The following GLIS3 variants were observed in gnomAD, a reference collection of about 807,000 sequenced individuals.
GLIS3 encodes the protein zinc finger protein GLIS3.
GLIS3 carries 53 observed loss-of-function variants against 78.6 expected under a neutral mutation model. That is an observed-to-expected ratio of 0.67 (90% confidence interval 0.54 to 0.85). The LOEUF is 0.85. Ranked by LOEUF, GLIS3 falls within the 40% of genes least tolerant of loss-of-function variation. The pLI, the probability that GLIS3 is intolerant of heterozygous loss-of-function variation, is 0.00. For synonymous variants in GLIS3, 684 were observed against 509.9 expected (o/e 1.34, Z -4.60); for missense variants, 1,703 against 1,231.1 (o/e 1.38, Z -5.74).
chr9:4,180,842 T>G (rs757464552), intron 2 of GLIS3, among the ~76,000 whole-genome samples: 1 of 152,118 alleles, frequency 6.6e-6, no homozygotes, highest in Non-Finnish European at 1.5e-5. Flanking sequence ...AATCTCAAAC[T>G]GGTTTTGCTC....
chr9:3,955,121 C>T (rs1011993249), intron 4 of GLIS3, among the ~76,000 whole-genome samples: 4 of 152,146 alleles, frequency 2.6e-5, no homozygotes, highest in Non-Finnish European at 2.9e-5. Flanking sequence ...CAAATGAAGA[C>T]GACCTGGGGA....
the GLIS3 span, among the ~76,000 whole-genome samples, chr9:4,370,730 A>G: frequency 6.6e-6 from 1 of 151,524 alleles, no homozygotes; most frequent in African/African-American, 2.4e-5. Flanking sequence ...TAATTAATTA[A>G]ATTTAGCATA....
At chr9:3,871,945 C>G (rs1820996887) in intron 8 of GLIS3, among the ~76,000 whole-genome samples, 1 of 152,216 alleles carries the variant, frequency 6.6e-6, no homozygotes, top group Non-Finnish European at 1.5e-5. Context: ...TGCTCTGTTT[C>G]CTTTTTAAAA....
chr9:4,072,916 A>C (rs12335836), intron 4 of GLIS3, among the ~76,000 whole-genome samples: 3,003 of 152,282 alleles, frequency 0.02, 97 homozygotes, highest in African/African-American at 0.068. Flanking sequence ...CTGAAAGCCC[A>C]AATTAACAGT....
chr9:4,390,194 AG>A, the GLIS3 span, among the ~76,000 whole-genome samples: 1 of 152,194 alleles, frequency 6.6e-6, no homozygotes, highest in East Asian at 1.9e-4. Flanking sequence ...ATAAAGTTGG[AG>A]GGGGAAAGCA....
intron 2 of GLIS3, among the ~76,000 whole-genome samples, chr9:4,181,662 T>G (rs557025081): frequency 1.3e-5 from 2 of 152,366 alleles, no homozygotes; most frequent in Admixed American, 6.5e-5. Context: ...GGAATCTATC[T>G]ATATATTCTT....
At chr9:4,137,948 G>A (rs1296934659) in intron 2 of GLIS3, among the ~76,000 whole-genome samples, 4 of 152,172 alleles carry the variant, frequency 2.6e-5, no homozygotes, top group South Asian at 2.1e-4. Flanking sequence ...TGTTAACTAA[G>A]CAAACAAGTA....
chr9:3,923,382 T>C (rs1825018677), intron 6 of GLIS3, among the ~76,000 whole-genome samples: 1 of 152,154 alleles, frequency 6.6e-6, no homozygotes, highest in Admixed American at 6.5e-5. Flanking sequence ...GACACTGTAC[T>C]CTACACCATG....
intron 2 of GLIS3, among the ~76,000 whole-genome samples, chr9:4,258,443 G>C (rs1440831800): frequency 6.6e-6 from 1 of 152,210 alleles, no homozygotes; most frequent in Non-Finnish European, 1.5e-5. Context: ...CTTAGTCAGA[G>C]AACTGGCCTG....
At chr9:4,087,071 C>T (rs1177536605) in intron 4 of GLIS3, among the ~76,000 whole-genome samples, 2 of 152,052 alleles carry the variant, frequency 1.3e-5, no homozygotes. Context: ...GAAAACATGG[C>T]AAAGTCTGAA....
chr9:3,886,666 A>G (rs1326523314), intron 7 of GLIS3, among the ~76,000 whole-genome samples: 1 of 152,224 alleles, frequency 6.6e-6, no homozygotes, highest in African/African-American at 2.4e-5. Context: ...GGCCCCCAAT[A>G]GTGAAAATAC....
At chr9:3,859,411 A>G (rs980077808) in intron 8 of GLIS3, among the ~76,000 whole-genome samples, 6 of 150,928 alleles carry the variant, frequency 4.0e-5, no homozygotes, top group Non-Finnish European at 5.9e-5. Context: ...ATCAAAATGA[A>G]TATGTTCTGA....
upstream of GLIS3, among the ~76,000 whole-genome samples, chr9:4,303,221 G>C (rs976443573): frequency 1.3e-5 from 2 of 151,750 alleles, no homozygotes; most frequent in South Asian, 2.1e-4. Context: ...ATACAGATAA[G>C]TTGAGCTAAT....
intron 6 of GLIS3, among the ~76,000 whole-genome samples, chr9:3,926,207 G>T (rs1364116990): frequency 6.6e-6 from 1 of 151,502 alleles, no homozygotes; most frequent in African/African-American, 2.4e-5. Flanking sequence ...GTACAGTATT[G>T]CGACTAAAGC....
intron 6 of GLIS3, among the ~76,000 whole-genome samples, chr9:3,910,543 G>A (rs927206778): frequency 1.3e-5 from 2 of 152,252 alleles, no homozygotes; most frequent in East Asian, 1.9e-4. Flanking sequence ...CAGAGACAGG[G>A]TCTCACCATG....
intron 2 of GLIS3, among the ~76,000 whole-genome samples, chr9:4,224,002 GA>G (rs990312227): frequency 2.0e-4 from 29 of 142,062 alleles, no homozygotes; most frequent in Middle Eastern, 3.5e-3. Context: ...AAAAGATCCA[GA>G]AAAAAAAAAA....
Position 4,188,459 on chromosome 9 carries a change from T to G in GLIS3, c.389-62518A>C, listed in dbSNP as rs1401936924. Among the ~76,000 whole-genome samples the G allele has an allele frequency of 2.7e-5, 4 of 150,076 alleles. No individual in the cohort carries two copies. In the East Asian group the frequency reaches 7.8e-4, roughly 29 times the overall value. On this transcript the variant is annotated intron_variant, in intron 2 of 10. Transcript: ENST00000381971. The stretch of plus-strand genomic sequence containing the variant: ...CAAGGATATTGGTCTAAAATTCTCT[T>G]TTTTGGTTGTGTCTCTGCCCGGCTT...
the GLIS3 span, among the ~76,000 whole-genome samples, chr9:4,370,609 A>G: frequency 6.6e-6 from 1 of 152,204 alleles, no homozygotes; most frequent in Non-Finnish European, 1.5e-5. Context: ...GAAGAACGGA[A>G]GCTGCATAAT....
rs145074476 is a variant in GLIS3 at position 4,249,047 on chromosome 9, T to G, written c.388+36991A>C. Among the ~76,000 whole-genome samples the G allele has an allele frequency of 4.8e-4, 73 of 152,338 alleles. 1 individual carries two copies. In the East Asian group the frequency reaches 0.01, roughly 21 times the overall value. ...GTTACTATACCCTTGTAGTATAGTTTGAAGTCAGGTAGCATGATGTCTCCA... is the reference window on the plus strand; with the variant it reads ...GTTACTATACCCTTGTAGTATAGTTGGAAGTCAGGTAGCATGATGTCTCCA... On this transcript the variant is annotated intron_variant, in intron 2 of 10. Transcript: ENST00000381971.
Sources: gnomAD v4.1 joint callset for allele counts (sites outside exome capture counted in the v4.1 genomes callset) on GRCh38, gnomAD v4.1.1 for gene constraint, MANE v1.5 for transcripts, NCBI Gene and HGNC (gene_info 2026-07-23, HGNC 2026-07-21) for gene names.